The following PCSK5 variants were observed in gnomAD, a reference collection of about 807,000 sequenced individuals.
PCSK5 encodes prohormone convertase 5.
In PCSK5, 129 loss-of-function variants were observed where a neutral mutation model predicts 233.2. The ratio of observed to expected loss-of-function variants is 0.55; its 90% CI spans 0.48 to 0.64. The LOEUF (loss-of-function observed/expected upper bound fraction) is 0.64, where lower values mean the gene tolerates loss of function less well. PCSK5 is among the 30% of genes least tolerant of loss of function. PCSK5 has a pLI of 0.00. For missense variants in PCSK5, 2,076 were observed against 2,430.1 expected (o/e 0.85, Z 3.06); for synonymous variants, 825 against 879.2 (o/e 0.94, Z 1.09).
rs1223925061 is a variant in PCSK5 at position 75,983,727 on chromosome 9, A to G, written c.298-2405A>G. ...CTTAGGCTGACCATAGTTTTATGAA[A>G]ATGAATTTTTAAGTGTCTTTTCTTT... On this transcript the variant is annotated intron_variant, in intron 2 of 37. Coordinates refer to ENST00000674117, the MANE Select transcript of PCSK5 (RefSeq NM_001372043.1). 1.3e-5 allele frequency among the ~76,000 whole-genome samples: 2 copies of G among 152,250 alleles called. 1 individual carries two copies. The highest frequency in any genetic ancestry group is 4.8e-5 in the African/African-American group (2 of 41,468).
intron 35 of PCSK5, among the ~76,000 whole-genome samples, chr9:76,348,041 T>A (rs1830024017): frequency 6.6e-6 from 1 of 151,798 alleles, no homozygotes; most frequent in South Asian, 2.1e-4. Flanking sequence ...GAGGCCAAGG[T>A]GGGCAGATCA....
At chr9:76,059,199 C>T (rs1474150648) in intron 5 of PCSK5, among the ~76,000 whole-genome samples, 5 of 152,226 alleles carry the variant, frequency 3.3e-5, no homozygotes, top group Middle Eastern at 3.4e-3. Context: ...CTGATGTATG[C>T]TTCATTAGGA....
intron 5 of PCSK5, among the ~76,000 whole-genome samples, chr9:76,039,409 A>T (rs1440219612): frequency 2.0e-5 from 3 of 152,168 alleles, no homozygotes; most frequent in Non-Finnish European, 2.9e-5. Context: ...AAATTCACAA[A>T]ATGTTTTTCT....
At chr9:76,298,587 A>T (rs1828513664) in intron 27 of PCSK5, among the ~76,000 whole-genome samples, 1 of 152,158 alleles carries the variant, frequency 6.6e-6, no homozygotes, top group Non-Finnish European at 1.5e-5. Flanking sequence ...TGGGAAATGC[A>T]TTCCATAAAG....
intron 3 of PCSK5, among the ~76,000 whole-genome samples, chr9:75,994,400 C>CTTTTTTTTTTT (rs550518074): frequency 1.8e-4 from 15 of 82,024 alleles, no homozygotes; most frequent in East Asian, 6.0e-4. Flanking sequence ...TTCTTTCTTT[C>CTTTTTTTTTTT]TTTTTTTTTT....
intron 2 of PCSK5, among the ~76,000 whole-genome samples, chr9:75,975,004 T>G (rs1176457757): frequency 6.6e-6 from 1 of 152,224 alleles, no homozygotes; most frequent in Non-Finnish European, 1.5e-5. Context: ...CCTTGACTTC[T>G]AAGATTTTAA....
At chr9:76,131,109 TTC>T (rs1822747106) in intron 9 of PCSK5, among the ~76,000 whole-genome samples, 4 of 152,232 alleles carry the variant, frequency 2.6e-5, no homozygotes, top group Middle Eastern at 6.8e-3. Context: ...GCACTCAGCC[TTC>T]TCTCTCTGCA....
chr9:76,269,984 G>C (rs1354350452), intron 24 of PCSK5, among the ~76,000 whole-genome samples: 1 of 152,020 alleles, frequency 6.6e-6, no homozygotes, highest in African/African-American at 2.4e-5. Context: ...TATGCCTGAT[G>C]ATGAATAGGC....
intron 23 of PCSK5, among the ~76,000 whole-genome samples, chr9:76,239,450 T>G (rs1037890051): frequency 6.6e-6 from 1 of 151,934 alleles, no homozygotes; most frequent in African/African-American, 2.4e-5. Flanking sequence ...ATCCCAGCAC[T>G]TTGGGAGGCT....
chr9:75,932,972 A>G (rs1587381577), intron 2 of PCSK5, among the ~76,000 whole-genome samples: 1 of 152,152 alleles, frequency 6.6e-6, no homozygotes, highest in Non-Finnish European at 1.5e-5. Context: ...CTGTGTCTGG[A>G]ACAGGTGGGA....
At chr9:76,159,967 C>T (rs990553203) in intron 12 of PCSK5, among the ~76,000 whole-genome samples, 1 of 151,782 alleles carries the variant, frequency 6.6e-6, no homozygotes, top group Non-Finnish European at 1.5e-5. Context: ...TGAGTACAGC[C>T]GTGCCCCACC....
chr9:76,004,497 G>A lies in PCSK5; in HGVS notation c.411+18252G>A, dbSNP rs543170330. Among the ~76,000 whole-genome samples, 14 of 152,250 alleles carry A rather than the reference G, an allele frequency of 9.2e-5. 1 individual carries two copies. The South Asian group carries it at 1.7e-3, about 18-fold the overall frequency. On this transcript the variant is annotated intron_variant, in intron 3 of 37. Coordinates refer to ENST00000674117, the MANE Select transcript of PCSK5 (RefSeq NM_001372043.1). ...TCTGAGGGATGATATTTTGTAGCACGTGCATATCCTATTCCCTGTCAATTT... is the reference window on the plus strand; with the variant it reads ...TCTGAGGGATGATATTTTGTAGCACATGCATATCCTATTCCCTGTCAATTT...
intron 30 of PCSK5, among the ~76,000 whole-genome samples, chr9:76,317,075 A>T (rs1200619761): frequency 6.6e-6 from 1 of 152,166 alleles, no homozygotes; most frequent in Non-Finnish European, 1.5e-5. Context: ...ACTATATCAG[A>T]AATATGACTT....
chr9:76,074,605 A>G (rs1208294144), intron 7 of PCSK5, among the ~76,000 whole-genome samples: 21 of 152,184 alleles, frequency 1.4e-4, no homozygotes, highest in Admixed American at 1.3e-3. Flanking sequence ...GCTAGGATTG[A>G]GTCCAATATT....
chr9:76,266,679 C>G (rs2131367374), intron 24 of PCSK5, among the ~76,000 whole-genome samples: 1 of 152,224 alleles, frequency 6.6e-6, no homozygotes, highest in African/African-American at 2.4e-5. Context: ...GCCTCATCAC[C>G]AAGAATAAAC....
chr9:75,982,065 A>G (rs922040109), intron 2 of PCSK5, among the ~76,000 whole-genome samples: 3 of 152,220 alleles, frequency 2.0e-5, no homozygotes, highest in African/African-American at 7.2e-5. Context: ...AGATGCCAAA[A>G]ATATAGTATC....
intron 3 of PCSK5, among the ~76,000 whole-genome samples, chr9:76,007,796 TTGTGTGTGTGTGTGTGTGTGTGTG>T (rs59860078): frequency 2.1e-4 from 27 of 128,308 alleles, no homozygotes; most frequent in African/African-American, 8.0e-4. Context: ...CCGGCTAATT[TTGTGTGTGTGTGTGTGTGTGTGTG>T]TGTGTGTGTG....
intron 9 of PCSK5, among the ~76,000 whole-genome samples, chr9:76,126,716 A>T (rs1192063078): frequency 3.3e-5 from 5 of 152,308 alleles, no homozygotes; most frequent in African/African-American, 9.6e-5. Flanking sequence ...TTCTCACTTA[A>T]AAGTGAGAGC....
In PCSK5 at chr9:76,092,652, C is replaced by G. The variant is rs551479861; in HGVS notation, c.895-3238C>G. On this transcript the variant is annotated intron_variant, in intron 7 of 37. Transcript: ENST00000674117. Reference sequence around the variant, plus strand: ...GGGATTACAGGCATAAGCACTGCACCCAGCCCGTTAGTGAGCACTTCTGAG... The same window carrying G: ...GGGATTACAGGCATAAGCACTGCACGCAGCCCGTTAGTGAGCACTTCTGAG... 1.6e-4 allele frequency among the ~76,000 whole-genome samples: 24 copies of G among 152,298 alleles called. No homozygotes were observed. The South Asian group carries it at 3.9e-3, about 25-fold the overall frequency.
Sources: gnomAD v4.1 joint callset for allele counts (sites outside exome capture counted in the v4.1 genomes callset) on GRCh38, gnomAD v4.1.1 for gene constraint, MANE v1.5 for transcripts, NCBI Gene and HGNC (gene_info 2026-07-23, HGNC 2026-07-21) for gene names.